The following MKX variants were observed in gnomAD, a reference collection of about 807,000 sequenced individuals.
MKX encodes homeobox protein Mohawk.
A neutral mutation model predicts 36.0 loss-of-function variants in MKX; 13 were observed. The ratio of observed to expected loss-of-function variants is 0.36; its 90% CI spans 0.24 to 0.57. The LOEUF (loss-of-function observed/expected upper bound fraction) is 0.57. Ranked by LOEUF, MKX falls within the 20% of genes least tolerant of loss-of-function variation. MKX has a pLI of 0.79. For synonymous variants in MKX, 176 were observed against 178.3 expected (o/e 0.99, Z 0.10); for missense variants, 458 against 456.4 (o/e 1.00, Z -0.03).
At chr10:27,727,894 T>C (rs751966565) in intron 5 of MKX, among the ~76,000 whole-genome samples, 1 of 152,210 alleles carries the variant, frequency 6.6e-6, no homozygotes. Context: ...AGTGTAAGTT[T>C]AGAAGAGAAG....
chr10:27,719,690 A>G (rs1467889796), intron 5 of MKX, among the ~76,000 whole-genome samples: 2 of 152,142 alleles, frequency 1.3e-5, no homozygotes, highest in Non-Finnish European at 2.9e-5. Context: ...CAGTAGGAAA[A>G]TTGATTTATA....
At chr10:27,737,014 T>C (rs1473587828) in intron 3 of MKX, among the ~76,000 whole-genome samples, 2 of 152,162 alleles carry the variant, frequency 1.3e-5, no homozygotes, top group African/African-American at 2.4e-5. Flanking sequence ...TGAGTGACTA[T>C]TGTACTTTAG....
Position 27,674,828 on chromosome 10 carries a change from G to C in MKX, c.*401C>G, listed in dbSNP as rs1836112112. On this transcript the variant is annotated 3_prime_UTR_variant, in exon 7 of 7. Coordinates refer to ENST00000419761, the MANE Select transcript of MKX (RefSeq NM_173576.3). ...ATATGAATTATTGAATGTATTTCAA[G>C]GGCTTTCAGCGATTCTGGTTTCAGT... 1 of 155,966 alleles carries C rather than the reference G, an allele frequency of 6.4e-6. No individual in the cohort carries two copies. Among genetic ancestry groups the C allele is most frequent in the South Asian group, 2.0e-4 (1 of 4,962 alleles). The allele number at this position is 155,966 out of a possible 1,614,324, so 9.7% of individuals were successfully genotyped here. A position where few individuals can be genotyped will look rare whatever the true frequency, so the allele number is the denominator to read the frequency against.
At chr10:27,676,836 C>T (rs927881332) in intron 5 of MKX, among the ~76,000 whole-genome samples, 2 of 152,208 alleles carry the variant, frequency 1.3e-5, no homozygotes, top group Admixed American at 6.5e-5. Flanking sequence ...AACGCCTCCT[C>T]CTGCTGCTGC....
chr10:27,714,905 G>A (rs1348561511), intron 5 of MKX, among the ~76,000 whole-genome samples: 1 of 152,236 alleles, frequency 6.6e-6, no homozygotes, highest in African/African-American at 2.4e-5. Flanking sequence ...GTGATGTGAA[G>A]TAAAGGGTGT....
Position 27,714,009 on chromosome 10 carries a change from C to CAA in MKX, c.838+20445_838+20446dup, listed in dbSNP as rs10632508. Among the ~76,000 whole-genome samples, 164 of 102,498 alleles carry CAA rather than the reference C, an allele frequency of 1.6e-3. 6 individuals are homozygous for CAA. The South Asian group carries it at 0.019, about 12-fold the overall frequency. 67.2% of individuals were successfully genotyped at this position (102,498 alleles called of 152,430 possible). A position where few individuals can be genotyped will look rare whatever the true frequency, so the allele number is the denominator to read the frequency against. On this transcript the variant is annotated intron_variant, in intron 5 of 6. Coordinates refer to ENST00000419761, the MANE Select transcript of MKX (RefSeq NM_173576.3). ...GAGTACAGCAAATTTGTGCAAAGAC[C>CAA]AAAAAAAAAAAAAAAAAAAAGAGGC...
At chr10:27,730,797 T>C (rs1355003748) in intron 5 of MKX, among the ~76,000 whole-genome samples, 2 of 151,162 alleles carry the variant, frequency 1.3e-5, no homozygotes, top group African/African-American at 4.9e-5. Flanking sequence ...ATAAAACTCA[T>C]CACAAGACAG....
At chr10:27,698,725 T>C (rs1412274587) in intron 5 of MKX, among the ~76,000 whole-genome samples, 1 of 152,212 alleles carries the variant, frequency 6.6e-6, no homozygotes, top group Non-Finnish European at 1.5e-5. Context: ...AGATGTCTGA[T>C]GCAGCTTTTT....
In MKX at chr10:27,685,834, A is replaced by G. The variant is rs190049164; in HGVS notation, c.839-10280T>C. On this transcript the variant is annotated intron_variant, in intron 5 of 6. Transcript: ENST00000419761. ...AGTGAATAACTGCTAAACAGTTCCT[A>G]GGCAGCTGCTGCTGCGTCACTTTCA... Among the ~76,000 whole-genome samples, 663 of 152,314 alleles carry G rather than the reference A, an allele frequency of 4.4e-3. 7 individuals carry two copies. Among genetic ancestry groups the G allele is most frequent in the African/African-American group, 0.015 (641 of 41,570 alleles).
At chr10:27,732,907 A>C (rs916685900) in intron 5 of MKX, among the ~76,000 whole-genome samples, 28 of 151,444 alleles carry the variant, frequency 1.8e-4, no homozygotes, top group African/African-American at 6.3e-4. Context: ...ACCACCATGC[A>C]TGGGTAATTA....
chr10:27,698,400 G>A (rs1390637840), intron 5 of MKX, among the ~76,000 whole-genome samples: 1 of 152,172 alleles, frequency 6.6e-6, no homozygotes, highest in Non-Finnish European at 1.5e-5. Flanking sequence ...AGGAGCCCAG[G>A]GGAGATGCGA....
Position 27,743,065 on chromosome 10 carries a change from A to G in MKX, c.188+163T>C, listed in dbSNP as rs967240530. Among the ~76,000 whole-genome samples, 6 of 152,158 alleles carry G rather than the reference A, an allele frequency of 3.9e-5. 1 individual carries two copies. Among genetic ancestry groups the G allele is most frequent in the African/African-American group, 1.2e-4 (5 of 41,438 alleles). ...TCATGTTTTAAGATAGGAGCCCCTT[A>G]ACATGAGAATGCGCGAGCCCTGGAG... On this transcript the variant is annotated intron_variant, in intron 2 of 6. Coordinates refer to ENST00000419761, the MANE Select transcript of MKX (RefSeq NM_173576.3).
At chr10:27,689,909 G>C (rs1037859995) in intron 5 of MKX, among the ~76,000 whole-genome samples, 92 of 152,272 alleles carry the variant, frequency 6.0e-4, no homozygotes, top group African/African-American at 2.1e-3. Context: ...ACGTGGGTGA[G>C]TGGGGACAGC....
chr10:27,685,483 C>G lies in MKX; in HGVS notation c.839-9929G>C, dbSNP rs186624725. 9.9e-3 allele frequency among the ~76,000 whole-genome samples: 1,373 copies of G among 137,994 alleles called. 28 individuals carry two copies. The highest frequency in any genetic ancestry group is 0.049 in the South Asian group (214 of 4,362). 90.5% of individuals were successfully genotyped at this position (137,994 alleles called of 152,430 possible). A position where few individuals can be genotyped will look rare whatever the true frequency, so the allele number is the denominator to read the frequency against. On this transcript the variant is annotated intron_variant, in intron 5 of 6. Coordinates refer to ENST00000419761, the MANE Select transcript of MKX (RefSeq NM_173576.3). Reference sequence around the variant, plus strand: ...TTTTTTTTTGAGACGGAGTCCCGCTCTGTTGCCCAGGCTGGAGTGCTGTGG... The same window carrying G: ...TTTTTTTTTGAGACGGAGTCCCGCTGTGTTGCCCAGGCTGGAGTGCTGTGG...
chr10:27,741,902 C>T lies in MKX; in HGVS notation c.189-398G>A, dbSNP rs1297115278. On this transcript the variant is annotated intron_variant, in intron 2 of 6. Transcript: ENST00000419761. This position sits in a 1 kb window ranked among gnomAD's most constrained non-coding sequence, Gnocchi z 5.1. ...CTGGCAGGCCTGGCAGGGTATGCGG[C>T]TGGCTCTCGAAACTTCCCTCGGGGA... 1.2e-4 allele frequency among the ~76,000 whole-genome samples: 18 copies of T among 152,200 alleles called. No homozygotes were observed. The highest frequency in any genetic ancestry group is 1.2e-3 in the Admixed American group (18 of 15,288).
chr10:27,687,532 GT>G (rs1285129553), intron 5 of MKX, among the ~76,000 whole-genome samples: 12 of 152,170 alleles, frequency 7.9e-5, no homozygotes, highest in Non-Finnish European at 1.8e-4. Context: ...ATTTCCTGAT[GT>G]TTATTTTTTT....
At chr10:27,739,484 T>G (rs1018296091) in intron 3 of MKX, among the ~76,000 whole-genome samples, 1 of 152,086 alleles carries the variant, frequency 6.6e-6, no homozygotes, top group Non-Finnish European at 1.5e-5. Flanking sequence ...TGAATGAAAA[T>G]TTCATGTAAA....
In MKX at chr10:27,738,620, G is replaced by C. The variant is rs189031924; in HGVS notation, c.348+2725C>G. Among the ~76,000 whole-genome samples, 99 of 152,004 alleles carry C rather than the reference G, an allele frequency of 6.5e-4. 1 individual carries two copies. In the East Asian group the frequency reaches 6.8e-3, roughly 10 times the overall value. On this transcript the variant is annotated intron_variant, in intron 3 of 6. Coordinates refer to ENST00000419761, the MANE Select transcript of MKX (RefSeq NM_173576.3). ...ATTTATATAATTATGATTTATATCA[G>C]TATCTATCTATCTATCTCCCATATT...
At chr10:27,739,122 T>C (rs1467534029) in intron 3 of MKX, among the ~76,000 whole-genome samples, 3 of 152,092 alleles carry the variant, frequency 2.0e-5, no homozygotes, top group African/African-American at 7.2e-5. Flanking sequence ...ATCTACTCAT[T>C]ACTCCTTGAT....
Sources: allele counts gnomAD v4.1 joint callset (sites outside exome capture counted in the v4.1 genomes callset), GRCh38; gene constraint gnomAD v4.1.1; non-coding constraint Gnocchi (gnomAD v3.1); transcripts MANE v1.5; gene names NCBI Gene and HGNC (gene_info 2026-07-23, HGNC 2026-07-21).